SYNE2: variants seen among roughly 807,000 people sequenced by gnomAD.
The protein encoded by SYNE2 is nesprin-2.
SYNE2 carries 431 observed loss-of-function variants against 856.3 expected under a neutral mutation model. That is an observed-to-expected ratio of 0.50 (90% CI 0.47 to 0.55). The LOEUF (loss-of-function observed/expected upper bound fraction) is 0.55. SYNE2 is among the 20% of genes least tolerant of loss of function. The pLI, the probability that SYNE2 is intolerant of heterozygous loss-of-function variation, is 0.00. For synonymous variants in SYNE2, 2,923 were observed against 2,872.3 expected (o/e 1.02, Z -0.56); for missense variants, 8,129 against 8,023.2 (o/e 1.01, Z -0.50).
At chr14:64,198,638 T>TC (rs1195051316) in intron 99 of SYNE2, among the ~76,000 whole-genome samples, 2 of 151,692 alleles carry the variant, frequency 1.3e-5, no homozygotes, top group South Asian at 4.2e-4. Flanking sequence ...CCTCCCACCT[T>TC]CCCCCCCTCT....
chr14:64,100,481 A>T (rs1312658826), intron 63 of SYNE2: 1 of 134,428 alleles, frequency 7.4e-6, no homozygotes, highest in Non-Finnish European at 1.5e-5. Flanking sequence ...ACGCTGTTGC[A>T]CTCCAGCCTG....
intron 65 of SYNE2, among the ~76,000 whole-genome samples, chr14:64,110,017 A>T (rs1409246927): frequency 6.6e-6 from 1 of 152,240 alleles, no homozygotes; most frequent in Non-Finnish European, 1.5e-5. Flanking sequence ...GCATGACCTC[A>T]GAGTAAACCA....
intron 6 of SYNE2, among the ~76,000 whole-genome samples, chr14:63,948,911 G>A (rs974209313): frequency 6.7e-6 from 1 of 149,878 alleles, no homozygotes; most frequent in Non-Finnish European, 1.5e-5. Context: ...AGCATACTCT[G>A]AATGATTTCA....
intron 9 of SYNE2, 123 bp downstream of exon 9, chr14:63,961,748 CT>C (rs1247990611): frequency 2.7e-6 from 2 of 729,818 alleles, no homozygotes; most frequent in East Asian, 5.5e-5. Context: ...GCATACACCC[CT>C]GTAAATCATA....
chr14:63,843,735 A>AT (rs1288278845), intron 1 of SYNE2, among the ~76,000 whole-genome samples: 2 of 152,262 alleles, frequency 1.3e-5, no homozygotes, highest in East Asian at 1.9e-4. Flanking sequence ...AAATAATCTG[A>AT]TTTTCCTCTT....
At position 64,138,200 on chromosome 14, in the gene SYNE2, TTTTTCTTTTC is replaced by T. The variant is rs150940325; in HGVS notation, c.14843+237_14843+246del. 6.8e-4 allele frequency among the ~76,000 whole-genome samples: 103 copies of T among 151,762 alleles called. 1 individual carries two copies. Among genetic ancestry groups the T allele is most frequent in the Non-Finnish European group, 1.2e-3 (80 of 67,914 alleles). On this transcript the variant is annotated intron_variant, in intron 79 of 115. Coordinates refer to ENST00000555002, the MANE Select transcript of SYNE2 (RefSeq NM_182914.3). The stretch of plus-strand genomic sequence containing the variant: ...CATGTAATCAGTTTGCTGTGATCGT[TTTTTCTTTTC>T]TTTTCTTTTCTTTTCTTTTTTGTTT...
rs10138263 is a variant in SYNE2, at chr14:63,996,237, A to G, written c.2941-710A>G. Among the ~76,000 whole-genome samples the G allele has an allele frequency of 6.8e-4, 103 of 152,274 alleles. 1 individual carries two copies. Among genetic ancestry groups the G allele is most frequent in the African/African-American group, 2.3e-3 (94 of 41,544 alleles). ...TCAGCCTTAATTAAATCTGTTGCCA[A>G]GCCCCATCTGGGATTCTTCAGAACA... is the stretch of plus-strand genomic sequence containing the variant. On this transcript the variant is annotated intron_variant, in intron 23 of 115. Transcript: ENST00000555002.
intron 52 of SYNE2, among the ~76,000 whole-genome samples, chr14:64,072,415 C>A (rs2097418606): frequency 1.3e-5 from 2 of 152,214 alleles, no homozygotes; most frequent in Admixed American, 1.3e-4. Flanking sequence ...AGCATCAGAT[C>A]ACACAGGCTG....
At chr14:63,896,126 C>G (rs1011052280) in intron 1 of SYNE2, among the ~76,000 whole-genome samples, 1 of 152,064 alleles carries the variant, frequency 6.6e-6, no homozygotes, top group African/African-American at 2.4e-5. Context: ...GGGAGGGAAA[C>G]CTTGTTTATA....
At chr14:63,867,717 TAAAAAGAATG>T (rs1895783378) in intron 1 of SYNE2, among the ~76,000 whole-genome samples, 1 of 122,406 alleles carries the variant, frequency 8.2e-6, no homozygotes, top group Non-Finnish European at 1.9e-5. Context: ...ATAAAAAGAA[TAAAAAGAATG>T]AAAGAATGAA....
intron 1 of SYNE2, among the ~76,000 whole-genome samples, chr14:63,876,729 G>T (rs971785919): frequency 2.6e-5 from 4 of 151,950 alleles, no homozygotes; most frequent in Admixed American, 2.6e-4. Context: ...CTTGTGATCC[G>T]CCCACCTCAG....
intron 96 of SYNE2, among the ~76,000 whole-genome samples, chr14:64,183,923 G>A (rs902738281): frequency 7.1e-6 from 1 of 140,616 alleles, no homozygotes; most frequent in East Asian, 2.3e-4. Context: ...GGGAGAGGGG[G>A]CTCGGCATCA....
At chr14:64,205,227 G>A (rs981296211) in intron 100 of SYNE2, among the ~76,000 whole-genome samples, 5 of 152,024 alleles carry the variant, frequency 3.3e-5, no homozygotes, top group African/African-American at 1.2e-4. Context: ...GGGTTGGGGG[G>A]TGTCATTGTC....
chr14:63,994,077 T>G, intron 22 of SYNE2, 108 bp downstream of exon 22: 1 of 1,137,622 alleles, frequency 8.8e-7, no homozygotes, highest in Non-Finnish European at 1.3e-6. Context: ...GTATCACCAG[T>G]GGGCTGGTCC....
In SYNE2 at chr14:64,225,036, CAG is replaced by C. The variant is rs753327814; in HGVS notation, c.20512_20513del (p.Ser6838GlnfsTer83). ...AGAACTACAGAAGGCGAGGAGGAGA[CAG>C]AGAGCAGGTAACGGGGCTTTACCGT... On this transcript the variant is annotated frameshift_variant, in exon 115 of 116. Transcript: ENST00000555002. LOFTEE classifies it high-confidence loss of function. The C allele has an allele frequency of 3.1e-6, 5 of 1,613,872 alleles. No homozygotes were observed. Among genetic ancestry groups the C allele is most frequent in the Non-Finnish European group, 4.2e-6 (5 of 1,179,952 alleles).
chr14:64,081,311 C>A (rs370632119), intron 56 of SYNE2, 132 bp from the exon 57 acceptor site: 1 of 1,090,784 alleles, frequency 9.2e-7, no homozygotes, highest in Non-Finnish European at 1.4e-6. Flanking sequence ...AATAAGTAGC[C>A]CCAGCCATGG....
In SYNE2 at chr14:64,163,391, T is replaced by G; in HGVS notation, c.16300-11T>G. 1.2e-6 allele frequency: 2 copies of G among 1,613,670 alleles called. No individual in the cohort carries two copies. Among genetic ancestry groups the G allele is most frequent in the Non-Finnish European group, 1.7e-6 (2 of 1,180,016 alleles). On this transcript the variant is annotated splice_polypyrimidine_tract_variant and intron_variant, in intron 88 of 115. Coordinates refer to ENST00000555002, the MANE Select transcript of SYNE2 (RefSeq NM_182914.3). Reference sequence around the variant, plus strand: ...AGGAAGAGGTGTTTGCCATCCCTTTTTCTTCTGCAGGAGCTGCAGCATGAT... The same window carrying G: ...AGGAAGAGGTGTTTGCCATCCCTTTGTCTTCTGCAGGAGCTGCAGCATGAT...
At chr14:64,216,937 G>A (rs547572589) in intron 108 of SYNE2, among the ~76,000 whole-genome samples, 1 of 152,054 alleles carries the variant, frequency 6.6e-6, no homozygotes, top group African/African-American at 2.4e-5. Context: ...TGTTGGCCAG[G>A]CTGGTCTTGA....
chr14:63,773,045 T>A (rs1002472796), intron 1 of SYNE2, among the ~76,000 whole-genome samples: 9 of 152,070 alleles, frequency 5.9e-5, no homozygotes, highest in African/African-American at 2.2e-4. Flanking sequence ...CCGAAAGTGC[T>A]GGGATTACAG....
Sources: allele counts gnomAD v4.1 joint callset (sites outside exome capture counted in the v4.1 genomes callset), GRCh38; gene constraint gnomAD v4.1.1; transcripts MANE v1.5; gene names NCBI Gene and HGNC (gene_info 2026-07-23, HGNC 2026-07-21).